Variants in ALDH1L1 observed in about 807,000 individuals in gnomAD.
The protein encoded by ALDH1L1 is aldehyde dehydrogenase 1 family member L1, also known as cytosolic 10-formyltetrahydrofolate dehydrogenase.
Under a neutral mutation model 101.1 loss-of-function variants are expected in ALDH1L1, and 68 were observed. The ratio of observed to expected loss-of-function variants is 0.67; its 90% CI spans 0.55 to 0.82. The LOEUF (loss-of-function observed/expected upper bound fraction) is 0.82, where lower values mean the gene tolerates loss of function less well. ALDH1L1 is among the 40% of genes least tolerant of loss of function. ALDH1L1 has a pLI of 0.00. For synonymous variants in ALDH1L1, 486 were observed against 470.8 expected (o/e 1.03, Z -0.42); for missense variants, 1,087 against 1,172.7 (o/e 0.93, Z 1.07).
chr3:126,117,674 C>CA (rs71150427), intron 17 of ALDH1L1, among the ~76,000 whole-genome samples: 13 of 149,372 alleles, frequency 8.7e-5, no homozygotes, highest in Admixed American at 7.3e-4. Context: ...AACAACAAAA[C>CA]AAAAAAAAAC....
chr3:126,172,846 G>C (rs765826511), intron 1 of ALDH1L1, among the ~76,000 whole-genome samples: 27 of 151,768 alleles, frequency 1.8e-4, no homozygotes, highest in Admixed American at 3.9e-4. Flanking sequence ...AGTGAAGCCA[G>C]GGAGAGGCAG....
rs544139272 is a variant in ALDH1L1 at position 126,114,160 on chromosome 3, T to G, written c.2082+397A>C. On this transcript the variant is annotated intron_variant, in intron 18 of 22. Coordinates refer to ENST00000393434, the MANE Select transcript of ALDH1L1 (RefSeq NM_012190.4). ...ACAGCATGAAGTTATGGATTACATA[T>G]AGATGGTAAAATGGTTACCATAGTG... is the stretch of plus-strand genomic sequence containing the variant. 3.0e-4 allele frequency among the ~76,000 whole-genome samples: 45 copies of G among 152,356 alleles called. 1 individual carries two copies. In the South Asian group the frequency reaches 8.1e-3, roughly 27 times the overall value.
At position 126,155,384 on chromosome 3, in the gene ALDH1L1, G is replaced by A. The variant is rs1191719551; in HGVS notation, c.630+18C>T. 24 of 1,607,872 alleles carry A rather than the reference G, an allele frequency of 1.5e-5. No homozygotes were observed. The highest frequency in any genetic ancestry group is 3.4e-5 in the Admixed American group (2 of 59,508). Reference sequence around the variant, plus strand: ...TGCTCACAGGCAGGATGAGGGTGTGGAGGGACCCAGCACTCACCTTGGCTG... The same window carrying A: ...TGCTCACAGGCAGGATGAGGGTGTGAAGGGACCCAGCACTCACCTTGGCTG... On this transcript the variant is annotated intron_variant, in intron 5 of 22. Coordinates refer to ENST00000393434, the MANE Select transcript of ALDH1L1 (RefSeq NM_012190.4).
At chr3:126,105,675 T>A (rs1261444941) in intron 22 of ALDH1L1, 51 bp downstream of exon 22, 3 of 1,602,890 alleles carry the variant, frequency 1.9e-6, no homozygotes. Context: ...TTTGAACAGA[T>A]GTTTGTTGAA....
In ALDH1L1 at chr3:126,158,575, C is replaced by G; in HGVS notation, c.192G>C (p.Gln64His). Residue 64 changes from glutamine to histidine, a missense_variant, in exon 3 of 23, where the codon CAG (glutamine) becomes CAC (histidine). Coordinates refer to ENST00000393434, the MANE Select transcript of ALDH1L1 (RefSeq NM_012190.4). Reference sequence around the variant, plus strand: ...ATTTTGCCACCACATCAGGCAAAGCCTGTCCTTTTGCACGCCACCGGGAGT... The same window carrying G: ...ATTTTGCCACCACATCAGGCAAAGCGTGTCCTTTTGCACGCCACCGGGAGT... ...FKYSRWRAKGQALPDVVAKYQ... is the reference protein window; with the variant it reads ...FKYSRWRAKGHALPDVVAKYQ... 3.1e-6 allele frequency: 5 copies of G among 1,614,208 alleles called. No homozygotes were observed. Among genetic ancestry groups the G allele is most frequent in the Non-Finnish European group, 4.2e-6 (5 of 1,180,022 alleles).
At chr3:126,135,056 ATTTT>A (rs4646724) in intron 12 of ALDH1L1, 61 of 145,034 alleles carry the variant, frequency 4.2e-4, no homozygotes, top group African/African-American at 1.5e-3. Context: ...CCTGGCTTAA[ATTTT>A]TTTTTTTTTT....
chr3:126,130,307 A>G lies in ALDH1L1; in HGVS notation c.1624-14T>C, dbSNP rs1442027574. On this transcript the variant is annotated splice_polypyrimidine_tract_variant and intron_variant, in intron 13 of 22. Transcript: ENST00000393434. ...GATGGTGGAGCCCTGGAAGAGGAAC[A>G]GGGGCAGTCACCCAGGGGCCCAGGG... 1 of 1,598,690 alleles carries G rather than the reference A, an allele frequency of 6.3e-7. No individual in the cohort carries two copies. Among genetic ancestry groups the G allele is most frequent in the African/African-American group, 1.3e-5 (1 of 74,280 alleles).
intron 1 of ALDH1L1, among the ~76,000 whole-genome samples, chr3:126,191,353 G>A (rs932415893): frequency 2.6e-5 from 4 of 152,198 alleles, no homozygotes; most frequent in Non-Finnish European, 4.4e-5. Flanking sequence ...TAGTGGTGAG[G>A]ATGTGCCTCA....
At position 126,118,001 on chromosome 3, in the gene ALDH1L1, G is replaced by C. The variant is rs765684032; in HGVS notation, c.1982+4C>G. 6.2e-7 allele frequency: 1 copy of C among 1,612,328 alleles called. No homozygotes were observed. ...CCTCCTCTGCTCCACCCCCAGCCAC[G>C]CACCTTTTCATGATGTGCTTGCCCA... On this transcript the variant is annotated splice_donor_region_variant and intron_variant, in intron 17 of 22. Coordinates refer to ENST00000393434, the MANE Select transcript of ALDH1L1 (RefSeq NM_012190.4).
intron 1 of ALDH1L1, among the ~76,000 whole-genome samples, chr3:126,192,034 C>A (rs1229537106): frequency 1.3e-5 from 2 of 152,172 alleles, no homozygotes; most frequent in Non-Finnish European, 2.9e-5. Context: ...AATACTGACT[C>A]TCTTTCTCAG....
upstream of ALDH1L1, chr3:126,180,630 G>T: frequency 7.7e-7 from 1 of 1,297,620 alleles, no homozygotes; most frequent in Non-Finnish European, 9.9e-7. Context: ...AGCCCGTGAG[G>T]GGAGGGGCGC....
intron 1 of ALDH1L1, among the ~76,000 whole-genome samples, chr3:126,172,276 A>G (rs2081293152): frequency 6.6e-6 from 1 of 152,234 alleles, no homozygotes; most frequent in Non-Finnish European, 1.5e-5. Context: ...TGGAATTTTC[A>G]GATGGAAAAT....
chr3:126,153,199 G>C (rs1030807993), intron 7 of ALDH1L1: 2 of 561,842 alleles, frequency 3.6e-6, no homozygotes, highest in Admixed American at 5.6e-5. Context: ...CTGGAGATGG[G>C]TGCCTAGCCA....
At chr3:126,148,334 C>T (rs2080738628) in intron 8 of ALDH1L1, among the ~76,000 whole-genome samples, 2 of 152,202 alleles carry the variant, frequency 1.3e-5, no homozygotes, top group Admixed American at 1.3e-4. Flanking sequence ...AGCAACTGCC[C>T]AGCCTCAGCT....
intron 16 of ALDH1L1, among the ~76,000 whole-genome samples, chr3:126,123,533 C>G (rs2080120337): frequency 6.6e-6 from 1 of 151,464 alleles, no homozygotes; most frequent in Non-Finnish European, 1.5e-5. Flanking sequence ...GCTGGGATTA[C>G]AGGTGTGAGC....
At chr3:126,124,719 G>C (rs1173434501) in intron 15 of ALDH1L1, among the ~76,000 whole-genome samples, 6 of 152,202 alleles carry the variant, frequency 3.9e-5, no homozygotes, top group Admixed American at 2.0e-4. Context: ...GGCCAGGCCT[G>C]GGTTCCCTTC....
At chr3:126,155,696 A>G (rs2080891069) in intron 4 of ALDH1L1, 193 bp from the exon 5 acceptor site, 3 of 516,440 alleles carry the variant, frequency 5.8e-6, no homozygotes, top group South Asian at 5.9e-5. Context: ...CAACGGACAC[A>G]GACCCGTCCT....
intron 12 of ALDH1L1, 155 bp downstream of exon 12, chr3:126,135,380 G>A: frequency 1.0e-6 from 1 of 968,758 alleles, no homozygotes; most frequent in African/African-American, 1.7e-5. Context: ...CAGGCAAGGA[G>A]CCCCAGCCTG....
intron 16 of ALDH1L1, 116 bp from the exon 17 acceptor site, chr3:126,118,214 C>T: frequency 1.3e-6 from 1 of 784,772 alleles, no homozygotes; most frequent in Non-Finnish European, 2.1e-6. Context: ...AAATGCTCCC[C>T]ACATGCTTGA....
Sources: gnomAD v4.1 joint callset for allele counts (sites outside exome capture counted in the v4.1 genomes callset) on GRCh38, gnomAD v4.1.1 for gene constraint, MANE v1.5 for transcripts, NCBI Gene and HGNC (gene_info 2026-07-23, HGNC 2026-07-21) for gene names.